Variants in LCN1 observed in about 807,000 individuals in gnomAD.
LCN1 encodes lipocalin-1.
LCN1 carries 25 observed loss-of-function variants against 22.3 expected under a neutral mutation model. That is an observed-to-expected ratio of 1.12 (90% CI 0.82 to 1.56). The LOEUF (loss-of-function observed/expected upper bound fraction) is 1.56. LCN1 is among the 40% of genes most tolerant of loss of function. The pLI is 0.00. For synonymous variants in LCN1, 85 were observed against 97.6 expected, an observed-to-expected ratio of 0.87 and a Z score of 0.76; for missense variants, 219 against 235.6, an observed-to-expected ratio of 0.93 and a Z score of 0.46.
At chr9:135,521,746 G>C (rs1161362196) in intron 1 of LCN1, among the ~76,000 whole-genome samples, 159 bp downstream of exon 1, 2 of 152,110 alleles carry the variant, frequency 1.3e-5, no homozygotes, top group African/African-American at 4.8e-5. Context: ...GCAGGGGTCT[G>C]GGCTGGCAGG....
chr9:135,523,743 C>T (rs1831557773), intron 3 of LCN1, 137 bp from the exon 4 acceptor site: 2 of 713,526 alleles, frequency 2.8e-6, no homozygotes, highest in East Asian at 5.4e-5. Context: ...GGTGGGGAAC[C>T]TGGGTCAGGG....
intron 3 of LCN1, 124 bp from the exon 4 acceptor site, chr9:135,523,756 C>A: frequency 2.6e-6 from 2 of 769,730 alleles, no homozygotes; most frequent in Non-Finnish European, 2.2e-6. Flanking sequence ...GGTCAGGGAG[C>A]TCTGGGAGGC....
rs761914767 is a variant in LCN1, at chr9:135,526,495, C to A, written c.*153C>A. 1.0e-5 allele frequency: 13 copies of A among 1,273,460 alleles called. No individual in the cohort carries two copies. The Middle Eastern group carries it at 1.8e-3, about 176-fold the overall frequency. The allele number at this position is 1,273,460 out of a possible 1,614,324, so 78.9% of individuals were successfully genotyped here. A position where few individuals can be genotyped will look rare whatever the true frequency, so the allele number is the denominator to read the frequency against. ...CCCCCCGCCTTCCCCCTGCCCTGCG[C>A]CCCCTCTCCTGGTTCTCCATAAAGA... is the stretch of plus-strand genomic sequence containing the variant. On this transcript the variant is annotated 3_prime_UTR_variant, in exon 7 of 7. Transcript: ENST00000371781.
intron 6 of LCN1, 77 bp downstream of exon 6, chr9:135,525,235 C>A: frequency 7.1e-7 from 1 of 1,417,500 alleles, no homozygotes; most frequent in Non-Finnish European, 9.8e-7. Flanking sequence ...GCCATGGGGT[C>A]TCTCCCACCC....
rs553063254 is a variant in LCN1, at chr9:135,523,181, C to T, written c.222-51C>T. ...CATTGCAGCATGGTTGCTCCAGGGC[C>T]GGGGGAGGCACAGGCCAGGGCCGCT... On this transcript the variant is annotated intron_variant, in intron 2 of 6. Transcript: ENST00000371781. The T allele has an allele frequency of 1.0e-5, 16 of 1,554,536 alleles. No individual in the cohort carries two copies. In the African/African-American group the frequency reaches 1.2e-4, roughly 12 times the overall value.
At chr9:135,524,541 A>G (rs1340653491) in intron 4 of LCN1, among the ~76,000 whole-genome samples, 1 of 152,076 alleles carries the variant, frequency 6.6e-6, no homozygotes, top group Non-Finnish European at 1.5e-5. Flanking sequence ...CCAAGGGGAG[A>G]GGCGCTTCCT....
At chr9:135,524,136 G>A (rs1391619804) in intron 4 of LCN1, 146 bp downstream of exon 4, 2 of 652,068 alleles carry the variant, frequency 3.1e-6, no homozygotes, top group Non-Finnish European at 5.4e-6. Flanking sequence ...TCCTGATAAA[G>A]GCCTCAATTC....
intron 4 of LCN1, 41 bp from the exon 5 acceptor site, chr9:135,524,789 G>C: frequency 6.6e-7 from 1 of 1,518,928 alleles, no homozygotes; most frequent in Non-Finnish European, 9.0e-7. Context: ...CGTCGGCCCA[G>C]TGCTGCCTCG....
In LCN1 at chr9:135,524,841, A is replaced by G. The variant is rs1410345356; in HGVS notation, c.415A>G (p.Lys139Glu). The change falls in exon 5 of 7, where the codon AAG becomes GAG. Residue 139 changes from lysine to glutamate, a missense_variant. Coordinates refer to ENST00000371781, the MANE Select transcript of LCN1 (RefSeq NM_002297.4). ...RGVKLVGRDP[K>E]NNLEALEDFE... The stretch of plus-strand genomic sequence containing the variant: ...CCTGGCACCCACAGGCAGAGACCCC[A>G]AGAACAACCTGGAAGCCTTGGAGGA... The G allele has an allele frequency of 6.2e-7, 1 of 1,604,936 alleles. No individual in the cohort carries two copies. The highest frequency in any genetic ancestry group is 1.1e-5 in the South Asian group (1 of 89,378).
intron 6 of LCN1, among the ~76,000 whole-genome samples, chr9:135,525,574 A>G (rs1205138951): frequency 2.6e-5 from 4 of 152,118 alleles, no homozygotes; most frequent in Non-Finnish European, 5.9e-5. Context: ...GCTGTGTCAG[A>G]TGGGCCCCTT....
Position 135,521,557 on chromosome 9 carries a change from C to A in LCN1, c.60C>A (p.His20Gln), listed in dbSNP as rs543076568. 6.2e-6 allele frequency: 10 copies of A among 1,613,546 alleles called. No homozygotes were observed. The African/African-American group carries it at 1.1e-4, about 17-fold the overall frequency. ...TCATTGCTGCCCTGCAGGCCCACCA[C>A]CTCCTGGCCTCAGACGAGGAGATTC... is the stretch of plus-strand genomic sequence containing the variant. ...LGLIAALQAH[H>Q]LLASDEEIQD... is the part of the protein sequence containing the mutation. The change falls in exon 1 of 7, where the codon CAC (histidine) becomes CAA (glutamine). Residue 20 changes from histidine (H) to glutamine (Q), a missense_variant. Coordinates refer to ENST00000371781, the MANE Select transcript of LCN1 (RefSeq NM_002297.4).
At chr9:135,523,021 G>C (rs965171776) in intron 2 of LCN1, among the ~76,000 whole-genome samples, 1 of 152,200 alleles carries the variant, frequency 6.6e-6, no homozygotes, top group African/African-American at 2.4e-5. Flanking sequence ...GAGCGGTGCA[G>C]AGCTCCTGGC....
intron 6 of LCN1, 117 bp from the exon 7 acceptor site, chr9:135,526,227 C>T (rs1831646758): frequency 4.2e-6 from 1 of 236,468 alleles, no homozygotes; most frequent in African/African-American, 2.6e-5. Flanking sequence ...CACCATGCCC[C>T]TGAGAGCTCA....
At position 135,524,913 on chromosome 9, in the gene LCN1, C is replaced by G. The variant is rs766676556; in HGVS notation, c.487C>G (p.Leu163Val). Reference protein sequence around the residue: ...GARGLSTESILIPRQSETCSP... With the variant: ...GARGLSTESIVIPRQSETCSP... ...CCGCGGACTCAGCACGGAGAGCATC[C>G]TCATCCCCAGGCAGAGCGGTAGGAG... The change falls in exon 5 of 7, where the codon CTC becomes GTC. Residue 163 changes from leucine to valine, a missense_variant. Coordinates refer to ENST00000371781, the MANE Select transcript of LCN1 (RefSeq NM_002297.4). The G allele has an allele frequency of 1.2e-6, 2 of 1,607,034 alleles. No homozygotes were observed. The highest frequency in any genetic ancestry group is 1.7e-6 in the Non-Finnish European group (2 of 1,177,174).
At chr9:135,523,578 C>T (rs548214826) in intron 3 of LCN1, among the ~76,000 whole-genome samples, 76 of 152,292 alleles carry the variant, frequency 5.0e-4, no homozygotes, top group Non-Finnish European at 7.2e-4. Context: ...GGAGCAGAGT[C>T]GTATTTGGCT....
intron 3 of LCN1, among the ~76,000 whole-genome samples, 163 bp from the exon 4 acceptor site, chr9:135,523,717 C>A (rs757515256): frequency 4.6e-5 from 7 of 152,166 alleles, no homozygotes; most frequent in Admixed American, 2.6e-4. Context: ...GGTCCCATGG[C>A]CTGGGGCTCA....
intron 1 of LCN1, 142 bp from the exon 2 acceptor site, chr9:135,521,905 G>A: frequency 7.4e-7 from 1 of 1,358,234 alleles, no homozygotes; most frequent in Non-Finnish European, 1.0e-6. Flanking sequence ...GAGGGTGCTG[G>A]GTGTTTTCTG....
rs775525907 is a variant in LCN1 at position 135,524,780 on chromosome 9, G to T, written c.404-50G>T. 9.0e-6 allele frequency: 13 copies of T among 1,442,386 alleles called. No homozygotes were observed. The South Asian group carries it at 1.3e-4, about 14-fold the overall frequency. 89.3% of individuals were successfully genotyped at this position (1,442,386 alleles called of 1,614,324 possible). A position where few individuals can be genotyped will look rare whatever the true frequency, so the allele number is the denominator to read the frequency against. On this transcript the variant is annotated intron_variant, in intron 4 of 6. Coordinates refer to ENST00000371781, the MANE Select transcript of LCN1 (RefSeq NM_002297.4). ...GGCCTCCAGACTGGGATGGGGTGCC[G>T]TCGGCCCAGTGCTGCCTCGAGCACC...
In LCN1 at chr9:135,524,925, C is replaced by G. The variant is rs373116403; in HGVS notation, c.499C>G (p.Gln167Glu). ...CACGGAGAGCATCCTCATCCCCAGG[C>G]AGAGCGGTAGGAGGCATGGCCCTGC... is the stretch of plus-strand genomic sequence containing the variant. ...LSTESILIPR[Q>E]SETCSPGSD Residue 167 changes from glutamine to glutamate, a missense_variant, in exon 5 of 7, where the codon CAG (glutamine) becomes GAG (glutamate). Physicochemically the swap from Gln to Glu is conservative, Grantham distance 29 (BLOSUM62 2). Coordinates refer to ENST00000371781, the MANE Select transcript of LCN1 (RefSeq NM_002297.4). 21 of 1,605,562 alleles carry G rather than the reference C, an allele frequency of 1.3e-5. No homozygotes were observed. In the Admixed American group the frequency reaches 1.7e-4, roughly 13 times the overall value.
Sources: gnomAD v4.1 joint callset for allele counts (sites outside exome capture counted in the v4.1 genomes callset) on GRCh38, gnomAD v4.1.1 for gene constraint, MANE v1.5 for transcripts, NCBI Gene and HGNC (gene_info 2026-07-23, HGNC 2026-07-21) for gene names.